Variants in PDE7A observed in about 807,000 individuals in gnomAD.
PDE7A encodes high affinity 3',5'-cyclic-AMP phosphodiesterase 7A.
Under a neutral mutation model 64.3 loss-of-function variants are expected in PDE7A, and 39 were observed. The ratio of observed to expected loss-of-function variants is 0.61; its 90% CI spans 0.47 to 0.79. PDE7A has a LOEUF of 0.79. PDE7A is among the 30% of genes least tolerant of loss of function. The pLI, the probability that PDE7A is intolerant of heterozygous loss-of-function variation, is 0.00. For missense variants in PDE7A, 470 were observed against 582.8 expected (o/e 0.81, Z 1.99); for synonymous variants, 203 against 206.8 (o/e 0.98, Z 0.16).
intron 4 of PDE7A, 152 bp from the exon 5 acceptor site, chr8:65,745,622 ACTGGCTCC>A: frequency 1.7e-6 from 1 of 592,894 alleles, no homozygotes; most frequent in African/African-American, 1.9e-5. Context: ...GACTTTTTCA[ACTGGCTCC>A]AAAAAAATGC....
chr8:65,724,643 G>T (rs761818485), intron 10 of PDE7A, 134 bp downstream of exon 10: 14 of 739,742 alleles, frequency 1.9e-5, no homozygotes, highest in Non-Finnish European at 2.6e-5. Context: ...AGGAGTGTGC[G>T]CTAATTGAAG....
intron 4 of PDE7A, 95 bp from the exon 5 acceptor site, chr8:65,745,565 G>T: frequency 1.5e-6 from 1 of 685,600 alleles, no homozygotes; most frequent in Non-Finnish European, 2.5e-6. Flanking sequence ...AATGTAAAGT[G>T]ATTGATTTAC....
At chr8:65,747,871 C>A in intron 3 of PDE7A, 68 bp from the exon 4 acceptor site, 2 of 925,118 alleles carry the variant, frequency 2.2e-6, no homozygotes, top group Non-Finnish European at 3.3e-6. Context: ...TTTGCAATAC[C>A]ACTTTTAGTT....
Position 65,786,675 on chromosome 8 carries a change from A to T in PDE7A, c.139-3832T>A, listed in dbSNP as rs1013400317. 2.0e-5 allele frequency among the ~76,000 whole-genome samples: 3 copies of T among 152,354 alleles called. 1 individual carries two copies. The highest frequency in any genetic ancestry group is 2.0e-4 in the Admixed American group (3 of 15,302). On this transcript the variant is annotated intron_variant, in intron 1 of 12. Transcript: ENST00000401827. Reference sequence around the variant, plus strand: ...TAATAACAGTAAAACAAATTTCATCAAAATCCTGTGTCACACTGTCAGTCA... The same window carrying T: ...TAATAACAGTAAAACAAATTTCATCTAAATCCTGTGTCACACTGTCAGTCA...
intron 3 of PDE7A, among the ~76,000 whole-genome samples, chr8:65,748,817 A>G (rs994955418): frequency 3.3e-5 from 5 of 152,202 alleles, no homozygotes; most frequent in African/African-American, 1.2e-4. Context: ...TAATATATAT[A>G]CAAGTCAGAG....
intron 1 of PDE7A, among the ~76,000 whole-genome samples, chr8:65,822,171 G>A (rs999381967): frequency 6.6e-6 from 1 of 152,186 alleles, no homozygotes; most frequent in Non-Finnish European, 1.5e-5. Context: ...GAGAAATCCA[G>A]AGACCTTTGT....
intron 3 of PDE7A, among the ~76,000 whole-genome samples, chr8:65,761,813 T>G (rs1808509766): frequency 1.3e-5 from 2 of 152,154 alleles, no homozygotes; most frequent in South Asian, 4.1e-4. Context: ...CTCCTCATAT[T>G]AGAAAGTAGA....
chr8:65,781,262 G>A (rs2128924071), intron 2 of PDE7A, among the ~76,000 whole-genome samples: 1 of 152,026 alleles, frequency 6.6e-6, no homozygotes, highest in South Asian at 2.1e-4. Flanking sequence ...AACTCCCCAA[G>A]ACAGAAGCAT....
At chr8:65,772,966 C>A (rs770542502) in intron 3 of PDE7A, among the ~76,000 whole-genome samples, 1 of 152,154 alleles carries the variant, frequency 6.6e-6, no homozygotes, top group Non-Finnish European at 1.5e-5. Flanking sequence ...TGAGATCGTG[C>A]CACTGCACTC....
chr8:65,733,937 T>C (rs554961727), intron 7 of PDE7A, among the ~76,000 whole-genome samples: 1 of 152,292 alleles, frequency 6.6e-6, no homozygotes, highest in East Asian at 1.9e-4. Context: ...TAGGCAGACA[T>C]AATTGCAGAA....
At chr8:65,777,054 C>G (rs1403719328) in intron 3 of PDE7A, among the ~76,000 whole-genome samples, 1 of 140,288 alleles carries the variant, frequency 7.1e-6, no homozygotes, top group Non-Finnish European at 1.5e-5. Context: ...TAAGAAAGAA[C>G]AAATACTCAA....
chr8:65,733,068 G>A (rs2128896431), intron 7 of PDE7A, among the ~76,000 whole-genome samples: 1 of 152,320 alleles, frequency 6.6e-6, no homozygotes, highest in Admixed American at 6.5e-5. Context: ...TGCCTGCATT[G>A]TAGGGCTTTG....
intron 1 of PDE7A, among the ~76,000 whole-genome samples, chr8:65,819,809 T>C (rs904296250): frequency 1.3e-5 from 2 of 152,222 alleles, no homozygotes; most frequent in Non-Finnish European, 2.9e-5. Context: ...ATAGGCTCCA[T>C]TTCCCAGCCT....
In PDE7A at chr8:65,719,066, A is replaced by G. The variant is rs1806265122; in HGVS notation, c.*224T>C. 1 of 562,100 alleles carries G rather than the reference A, an allele frequency of 1.8e-6. No individual in the cohort carries two copies. The highest frequency in any genetic ancestry group is 2.9e-5 in the East Asian group (1 of 34,522). 34.8% of individuals were successfully genotyped at this position (562,100 alleles called of 1,614,324 possible). A position where few individuals can be genotyped will look rare whatever the true frequency, so the allele number is the denominator to read the frequency against. ...TCTCCTGCTGGGCTTTGCATATTCAAGGTTTCACATGAAAGCCAAATTCAT... is the reference window on the plus strand; with the variant it reads ...TCTCCTGCTGGGCTTTGCATATTCAGGGTTTCACATGAAAGCCAAATTCAT... On this transcript the variant is annotated 3_prime_UTR_variant, in exon 13 of 13. Coordinates refer to ENST00000401827, the MANE Select transcript of PDE7A (RefSeq NM_001242318.3).
At chr8:65,800,077 G>A (rs1290193812) in intron 1 of PDE7A, among the ~76,000 whole-genome samples, 1 of 149,782 alleles carries the variant, frequency 6.7e-6, no homozygotes, top group African/African-American at 2.5e-5. Context: ...AGAAGTTAAA[G>A]CTCCAGAGAT....
At chr8:65,740,989 C>T (rs1807403188) in intron 5 of PDE7A, among the ~76,000 whole-genome samples, 1 of 152,122 alleles carries the variant, frequency 6.6e-6, no homozygotes, top group South Asian at 2.1e-4. Context: ...TCCTCAACGT[C>T]CACTCCTTTG....
Position 65,750,488 on chromosome 8 carries a change from GTGTGTGTGTGTGTGTC to G in PDE7A, c.284-2701_284-2686del, listed in dbSNP as rs1253990875. On this transcript the variant is annotated intron_variant, in intron 3 of 12. Transcript: ENST00000401827. ...AATTAGAATCACTGTGTGTGTGTGT[GTGTGTGTGTGTGTGTC>G]TGTGTGTGTCTGTGTGTGTGTGAGA... Among the ~76,000 whole-genome samples, 134 of 136,916 alleles carry G rather than the reference GTGTGTGTGTGTGTGTC, an allele frequency of 9.8e-4. 1 individual carries two copies. The highest frequency in any genetic ancestry group is 3.7e-3 in the African/African-American group (129 of 35,022). The allele number at this position is 136,916 out of a possible 152,430, so 89.8% of individuals were successfully genotyped here. A position where few individuals can be genotyped will look rare whatever the true frequency, so the allele number is the denominator to read the frequency against.
chr8:65,792,908 T>C (rs1262313997), intron 1 of PDE7A, among the ~76,000 whole-genome samples: 1 of 152,206 alleles, frequency 6.6e-6, no homozygotes, highest in East Asian at 1.9e-4. Context: ...AAGACCTTTC[T>C]GTAATACTGA....
chr8:65,741,351 C>T (rs1807426295), intron 5 of PDE7A, among the ~76,000 whole-genome samples: 2 of 151,988 alleles, frequency 1.3e-5, no homozygotes, highest in South Asian at 4.1e-4. Context: ...ATACTAGTCC[C>T]AAATTGAAAA....
Sources: allele counts gnomAD v4.1 joint callset (sites outside exome capture counted in the v4.1 genomes callset), GRCh38; gene constraint gnomAD v4.1.1; transcripts MANE v1.5; gene names NCBI Gene and HGNC (gene_info 2026-07-23, HGNC 2026-07-21).